Variants in CACNA1A observed in about 807,000 individuals in gnomAD.
CACNA1A encodes voltage-dependent P/Q-type calcium channel subunit alpha-1A.
In CACNA1A, 57 loss-of-function variants were observed where a neutral mutation model predicts 262.4. That is an observed-to-expected ratio of 0.22 (90% CI 0.18 to 0.27). The LOEUF is 0.27. Ranked by LOEUF, CACNA1A falls within the 10% of genes least tolerant of loss-of-function variation. The pLI is 1.00. For synonymous variants in CACNA1A, 1,431 were observed against 1,419.3 expected (o/e 1.01, Z -0.18); for missense variants, 2,526 against 3,562.8 (o/e 0.71, Z 7.41).
At chr19:13,480,655 C>A (rs754426641) in intron 1 of CACNA1A, among the ~76,000 whole-genome samples, 22 of 152,178 alleles carry the variant, frequency 1.4e-4, no homozygotes, top group Middle Eastern at 3.4e-3. Flanking sequence ...AAAAGCGAGA[C>A]CTTGTCTCTA....
At chr19:13,432,984 C>T (rs1215737564) in intron 3 of CACNA1A, among the ~76,000 whole-genome samples, 1 of 150,770 alleles carries the variant, frequency 6.6e-6, no homozygotes, top group African/African-American at 2.4e-5. Context: ...CATAGCAAGA[C>T]CCCGCCTTTA....
At chr19:13,439,891 T>C (rs1451204802) in intron 3 of CACNA1A, among the ~76,000 whole-genome samples, 3 of 152,122 alleles carry the variant, frequency 2.0e-5, no homozygotes, top group Non-Finnish European at 2.9e-5. Flanking sequence ...GTCCAAACCA[T>C]CATGTTTGGA....
intron 31 of CACNA1A, among the ~76,000 whole-genome samples, chr19:13,242,355 A>C (rs1424412738): frequency 6.6e-6 from 1 of 152,100 alleles, no homozygotes; most frequent in Non-Finnish European, 1.5e-5. Context: ...GGGCAGTGGC[A>C]CAATCTTGGC....
chr19:13,228,146 G>A (rs958466386), intron 36 of CACNA1A, among the ~76,000 whole-genome samples: 6 of 151,916 alleles, frequency 3.9e-5, no homozygotes, highest in Non-Finnish European at 2.9e-5. Context: ...GGGCTCAAGC[G>A]ATCCTCCTGC....
rs759949928 is a variant in CACNA1A, at chr19:13,209,382, G to T, written c.6456C>A (p.His2152Gln). 1.4e-6 allele frequency: 2 copies of T among 1,400,570 alleles called. No individual in the cohort carries two copies. The highest frequency in any genetic ancestry group is 1.9e-6 in the Non-Finnish European group (2 of 1,073,808). The allele number at this position is 1,400,570 out of a possible 1,614,324, so 86.8% of individuals were successfully genotyped here. A position where few individuals can be genotyped will look rare whatever the true frequency, so the allele number is the denominator to read the frequency against. The change falls in exon 45 of 47, where the codon CAC (histidine) becomes CAA (glutamine). Residue 2152 changes from histidine (H) to glutamine (Q), a missense_variant. Around this residue, in one of 17 missense-constraint regions of CACNA1A, gnomAD observed 929 missense variants for 868.1 expected, o/e 1.07. Coordinates refer to ENST00000360228, the MANE Select transcript of CACNA1A (RefSeq NM_001127222.2). ...RVPPEENQRHHQRRRDRSHRA... is the reference protein window; with the variant it reads ...RVPPEENQRHQQRRRDRSHRA... ...GGTGGCTGCGGTCGCGGCGCCGCTG[G>T]TGGTGCCGCTGGTTCTCCTCGGGCG...
chr19:13,214,092 G>A lies in CACNA1A; in HGVS notation c.5940+141C>T, dbSNP rs764214069. 1 of 663,702 alleles carries A rather than the reference G, an allele frequency of 1.5e-6. No individual in the cohort carries two copies. The allele number at this position is 663,702 out of a possible 1,614,324, so 41.1% of individuals were successfully genotyped here. On this transcript the variant is annotated intron_variant, in intron 40 of 46. Transcript: ENST00000360228. This position sits in a 1 kb window ranked among gnomAD's most constrained non-coding sequence, Gnocchi z 4.1. Reference sequence around the variant, plus strand: ...GGCCTCTCAAAGCACTGAGATTGCAGGTGTGAGCTGCTGTGCACAGCCCCT... The same window carrying A: ...GGCCTCTCAAAGCACTGAGATTGCAAGTGTGAGCTGCTGTGCACAGCCCCT...
chr19:13,378,732 G>C (rs117075005), intron 3 of CACNA1A, among the ~76,000 whole-genome samples: 1 of 150,544 alleles, frequency 6.6e-6, no homozygotes, highest in Non-Finnish European at 1.5e-5. Context: ...GTGCAATCTC[G>C]GCTCACTGCA....
intron 19 of CACNA1A, among the ~76,000 whole-genome samples, chr19:13,287,535 C>T (rs184345128): frequency 6.6e-6 from 1 of 151,978 alleles, no homozygotes; most frequent in East Asian, 1.9e-4. Flanking sequence ...TTCTTTCTTT[C>T]TTTTTTCTTG....
intron 3 of CACNA1A, 60 bp downstream of exon 3, chr19:13,452,816 C>T (rs1006468388): frequency 1.9e-6 from 3 of 1,550,690 alleles, no homozygotes; most frequent in African/African-American, 2.7e-5. Context: ...ACCACACCAA[C>T]CAAAAGCCTC....
chr19:13,359,800 C>A lies in CACNA1A; in HGVS notation c.785-1G>T. ...GCCGGAGACTCACCCTGAATGTCAT[C>A]TACAAAAGGGAAGGGGAGAAAAGTC... On this transcript the variant is annotated splice_acceptor_variant, in intron 5 of 46. Transcript: ENST00000360228. LOFTEE classifies it high-confidence loss of function. The A allele has an allele frequency of 6.6e-7, 1 of 1,503,992 alleles. No homozygotes were observed. The highest frequency in any genetic ancestry group is 1.3e-5 in the South Asian group (1 of 76,000). 93.2% of individuals were successfully genotyped at this position (1,503,992 alleles called of 1,614,324 possible).
chr19:13,385,281 G>T (rs1228936935), intron 3 of CACNA1A, among the ~76,000 whole-genome samples: 2 of 147,308 alleles, frequency 1.4e-5, no homozygotes, highest in Non-Finnish European at 3.0e-5. Flanking sequence ...CCAGGCTGGA[G>T]TGCAGTGGCA....
chr19:13,340,363 G>C (rs1006901220), intron 6 of CACNA1A, among the ~76,000 whole-genome samples: 1 of 151,852 alleles, frequency 6.6e-6, no homozygotes, highest in South Asian at 2.1e-4. Context: ...ATGAACCCCA[G>C]GAGTGGGTAT....
chr19:13,320,615 G>A (rs545388749), intron 10 of CACNA1A, among the ~76,000 whole-genome samples: 1 of 152,272 alleles, frequency 6.6e-6, no homozygotes, highest in African/African-American at 2.4e-5. Flanking sequence ...TCACTGGTAA[G>A]GGAGAGGGAA....
chr19:13,307,941 A>C, intron 14 of CACNA1A, 87 bp from the exon 15 acceptor site: 1 of 1,417,230 alleles, frequency 7.1e-7, no homozygotes, highest in South Asian at 1.2e-5. Flanking sequence ...AAGGAAACGA[A>C]CGTCTCCATC....
Position 13,220,193 on chromosome 19 carries a change from G to A in CACNA1A, c.5731+4474C>T, listed in dbSNP as rs150624008. Among the ~76,000 whole-genome samples the A allele has an allele frequency of 2.7e-3, 404 of 152,096 alleles. 2 individuals are homozygous for A. The highest frequency in any genetic ancestry group is 9.3e-3 in the African/African-American group (386 of 41,478). On this transcript the variant is annotated intron_variant, in intron 38 of 46. Transcript: ENST00000360228. ...GGAGAATTGCTTGAACCTGGGAGGC[G>A]GAGATTGCAGTGAACTGAGATCACA... is the stretch of plus-strand genomic sequence containing the variant.
At position 13,351,502 on chromosome 19, in the gene CACNA1A, C is replaced by T. The variant is rs945817861; in HGVS notation, c.978+8104G>A. The stretch of plus-strand genomic sequence containing the variant: ...AACTACAGACATGGACCACCACACC[C>T]GGCTAATTAAAAAACATTTTTTTTG... On this transcript the variant is annotated intron_variant, in intron 6 of 46. Coordinates refer to ENST00000360228, the MANE Select transcript of CACNA1A (RefSeq NM_001127222.2). Among the ~76,000 whole-genome samples, 8 of 151,504 alleles carry T rather than the reference C, an allele frequency of 5.3e-5. No individual in the cohort carries two copies. In the East Asian group the frequency reaches 1.2e-3, roughly 22 times the overall value.
At chr19:13,427,515 G>A (rs1455081395) in intron 3 of CACNA1A, among the ~76,000 whole-genome samples, 1 of 150,534 alleles carries the variant, frequency 6.6e-6, no homozygotes, top group South Asian at 2.1e-4. Context: ...CCTATGAGCT[G>A]CTAGAAGCTG....
At chr19:13,360,325 G>GGA (rs2059084466) in intron 5 of CACNA1A, among the ~76,000 whole-genome samples, 1 of 140,172 alleles carries the variant, frequency 7.1e-6, no homozygotes, top group Non-Finnish European at 1.5e-5. Context: ...GAGAACGGGG[G>GGA]GAGAGAGAGA....
intron 4 of CACNA1A, among the ~76,000 whole-genome samples, chr19:13,366,713 T>C (rs762588068): frequency 1.3e-5 from 2 of 152,096 alleles, no homozygotes; most frequent in Non-Finnish European, 2.9e-5. Context: ...GTTGGGCAAC[T>C]TGCACCCAGA....
Sources: allele counts gnomAD v4.1 joint callset (sites outside exome capture counted in the v4.1 genomes callset), GRCh38; gene constraint gnomAD v4.1.1; regional missense constraint gnomAD v4.1.1; non-coding constraint Gnocchi (gnomAD v3.1); transcripts MANE v1.5; gene names NCBI Gene and HGNC (gene_info 2026-07-23, HGNC 2026-07-21).